LARGE1: variants seen among roughly 807,000 people sequenced by gnomAD.
LARGE1 encodes the protein xylosyl- and glucuronyltransferase LARGE1.
Under a neutral mutation model 87.6 loss-of-function variants are expected in LARGE1, and 43 were observed. The ratio of observed to expected loss-of-function variants is 0.49; its 90% confidence interval spans 0.38 to 0.63. The LOEUF is 0.63. LARGE1 is among the 30% of genes least tolerant of loss of function. The pLI is 0.00. For missense variants in LARGE1, 802 were observed against 1,000.2 expected (o/e 0.80, Z 2.67); for synonymous variants, 434 against 394.6 (o/e 1.10, Z -1.18).
chr22:33,465,160 G>C (rs1388850508), intron 6 of LARGE1, among the ~76,000 whole-genome samples: 1 of 152,220 alleles, frequency 6.6e-6, no homozygotes, highest in Non-Finnish European at 1.5e-5. Context: ...CGACATTGAT[G>C]CATCTCACTA....
intron 4 of LARGE1, among the ~76,000 whole-genome samples, chr22:33,616,630 T>C (rs1429851778): frequency 1.3e-5 from 2 of 151,990 alleles, no homozygotes; most frequent in Admixed American, 6.6e-5. Flanking sequence ...TATTTGTGGG[T>C]AATTAAAATA....
intron 1 of LARGE1, among the ~76,000 whole-genome samples, chr22:33,898,232 T>C (rs895088078): frequency 6.6e-6 from 1 of 152,006 alleles, no homozygotes; most frequent in African/African-American, 2.4e-5. Context: ...GGAAGTCAAG[T>C]GGCCTGAATT....
intron 6 of LARGE1, among the ~76,000 whole-genome samples, chr22:33,554,209 G>A (rs1451334085): frequency 1.3e-5 from 2 of 151,984 alleles, no homozygotes; most frequent in African/African-American, 4.8e-5. Flanking sequence ...ACCGTGCCCA[G>A]TCTTTGTGCT....
chr22:33,593,721 T>C (rs147709886), intron 5 of LARGE1, among the ~76,000 whole-genome samples: 3 of 152,238 alleles, frequency 2.0e-5, no homozygotes, highest in African/African-American at 7.2e-5. Flanking sequence ...AATATCTCAG[T>C]AATTCTCAAA....
chr22:33,241,779 C>A (rs940158537), intron 11 of LARGE1, among the ~76,000 whole-genome samples: 1 of 152,036 alleles, frequency 6.6e-6, no homozygotes, highest in Non-Finnish European at 1.5e-5. Context: ...ACCACATGTT[C>A]TCACTCACAA....
chr22:33,521,982 G>A (rs534625785), intron 6 of LARGE1, among the ~76,000 whole-genome samples: 10 of 152,232 alleles, frequency 6.6e-5, no homozygotes, highest in Admixed American at 1.3e-4. Flanking sequence ...GAACAGGAGC[G>A]GGAGAGAGAA....
At chr22:33,856,237 G>T (rs1375466702) in intron 1 of LARGE1, among the ~76,000 whole-genome samples, 1 of 152,200 alleles carries the variant, frequency 6.6e-6, no homozygotes. Flanking sequence ...TTCTCAGGGG[G>T]CCATGCTCCT....
At chr22:33,657,943 A>G (rs2081015111) in intron 2 of LARGE1, among the ~76,000 whole-genome samples, 1 of 152,120 alleles carries the variant, frequency 6.6e-6, no homozygotes, top group African/African-American at 2.4e-5. Flanking sequence ...TAATGAAAAA[A>G]AAAAAAGAGA....
intron 11 of LARGE1, among the ~76,000 whole-genome samples, chr22:33,172,948 C>T (rs1922657137): frequency 6.6e-6 from 1 of 152,082 alleles, no homozygotes; most frequent in African/African-American, 2.4e-5. Flanking sequence ...GGGTATTATC[C>T]AGGAGAATTT....
intron 5 of LARGE1, among the ~76,000 whole-genome samples, chr22:33,587,250 T>A (rs887120270): frequency 1.3e-5 from 2 of 152,348 alleles, no homozygotes; most frequent in South Asian, 2.1e-4. Context: ...AATACCATGA[T>A]GAAAATCCTT....
intron 4 of LARGE1, among the ~76,000 whole-genome samples, chr22:33,618,279 G>C (rs1289620664): frequency 6.6e-6 from 1 of 152,174 alleles, no homozygotes; most frequent in Non-Finnish European, 1.5e-5. Flanking sequence ...GAGAAGAACA[G>C]AGCAACTTTC....
intron 6 of LARGE1, among the ~76,000 whole-genome samples, chr22:33,560,000 C>CG (rs1391820360): frequency 1.3e-5 from 2 of 152,176 alleles, no homozygotes; most frequent in Non-Finnish European, 2.9e-5. Context: ...CAAAGACACT[C>CG]TTAACTCCAC....
rs566546955 is a variant in LARGE1, at chr22:33,681,823, G to C, written c.107-31155C>G. 1.8e-4 allele frequency among the ~76,000 whole-genome samples: 28 copies of C among 152,246 alleles called. 1 individual carries two copies. Among genetic ancestry groups the C allele is most frequent in the African/African-American group, 5.8e-4 (24 of 41,552 alleles). On this transcript the variant is annotated intron_variant, in intron 2 of 14. Transcript: ENST00000397394. Reference sequence around the variant, plus strand: ...TAAAAATGTACAGAGGCACATTCAGGGTCATCTGGACAGTCATCTTTTAGC... The same window carrying C: ...TAAAAATGTACAGAGGCACATTCAGCGTCATCTGGACAGTCATCTTTTAGC...
At chr22:33,436,277 T>A (rs2067268066) in intron 6 of LARGE1, among the ~76,000 whole-genome samples, 2 of 152,214 alleles carry the variant, frequency 1.3e-5, no homozygotes, top group African/African-American at 4.8e-5. Context: ...AAGCTGGAAC[T>A]CTAAGCACTG....
At chr22:33,529,276 A>G (rs1352914620) in intron 6 of LARGE1, among the ~76,000 whole-genome samples, 2 of 152,116 alleles carry the variant, frequency 1.3e-5, no homozygotes, top group Non-Finnish European at 2.9e-5. Context: ...CCAAGCCCTG[A>G]GCTCTCTATC....
intron 9 of LARGE1, among the ~76,000 whole-genome samples, chr22:33,367,408 T>C (rs1254489268): frequency 6.6e-6 from 1 of 152,188 alleles, no homozygotes; most frequent in Non-Finnish European, 1.5e-5. Flanking sequence ...TTGAATTTAA[T>C]GTTCTGTTCT....
At chr22:33,096,725 C>T in the LARGE1 span, among the ~76,000 whole-genome samples, 6 of 152,078 alleles carry the variant, frequency 3.9e-5, no homozygotes, top group Admixed American at 1.3e-4. Context: ...CCACTGCGCC[C>T]GGCTAATTTT....
chr22:33,841,180 A>G (rs1262163470), intron 1 of LARGE1, among the ~76,000 whole-genome samples: 1 of 152,216 alleles, frequency 6.6e-6, no homozygotes, highest in Non-Finnish European at 1.5e-5. Flanking sequence ...CGATGGGTTT[A>G]GCAGGATGCA....
At chr22:33,479,382 G>A (rs1346792866) in intron 6 of LARGE1, among the ~76,000 whole-genome samples, 1 of 152,148 alleles carries the variant, frequency 6.6e-6, no homozygotes, top group African/African-American at 2.4e-5. Context: ...TGGACTATTG[G>A]ATGAACAAAC....
Sources: gnomAD v4.1 joint callset for allele counts (sites outside exome capture counted in the v4.1 genomes callset) on GRCh38, gnomAD v4.1.1 for gene constraint, MANE v1.5 for transcripts, NCBI Gene and HGNC (gene_info 2026-07-23, HGNC 2026-07-21) for gene names.